Variants in ANKS1B observed in about 807,000 individuals in gnomAD.
The protein encoded by ANKS1B is ankyrin repeat and sterile alpha motif domain-containing protein 1B.
A neutral mutation model predicts 148.3 loss-of-function variants in ANKS1B; 36 were observed. That is an observed-to-expected ratio of 0.24 (90% confidence interval 0.19 to 0.32). ANKS1B has a LOEUF of 0.32. ANKS1B is among the 10% of genes least tolerant of loss of function. ANKS1B has a pLI of 1.00. For missense variants in ANKS1B, 1,157 were observed against 1,542.6 expected, an observed-to-expected ratio of 0.75 and a Z score of 4.19; for synonymous variants, 542 against 560.8, an observed-to-expected ratio of 0.97 and a Z score of 0.47.
intron 16 of ANKS1B, among the ~76,000 whole-genome samples, chr12:99,078,528 G>A (rs1286808641): frequency 6.6e-6 from 1 of 152,128 alleles, no homozygotes; most frequent in Non-Finnish European, 1.5e-5. Flanking sequence ...CCAGAGACAT[G>A]TGCCTCTTTT....
chr12:99,430,326 C>A (rs946896096), intron 11 of ANKS1B, among the ~76,000 whole-genome samples: 1 of 151,854 alleles, frequency 6.6e-6, no homozygotes, highest in Non-Finnish European at 1.5e-5. Context: ...AAGTGACATG[C>A]TTTGGTGGCT....
intron 25 of ANKS1B, among the ~76,000 whole-genome samples, chr12:98,768,761 A>T (rs1016395080): frequency 6.7e-6 from 1 of 149,440 alleles, no homozygotes; most frequent in Non-Finnish European, 1.5e-5. Context: ...AATGGCTACC[A>T]TGGCCAAATA....
At chr12:98,894,692 G>T in intron 17 of ANKS1B, 2 of 985,712 alleles carry the variant, frequency 2.0e-6, no homozygotes, top group Non-Finnish European at 2.4e-6. Flanking sequence ...TGGCCCCCGA[G>T]GACGCAGACA....
intron 9 of ANKS1B, among the ~76,000 whole-genome samples, chr12:99,520,745 G>A (rs961156630): frequency 1.1e-4 from 16 of 151,894 alleles, no homozygotes; most frequent in Non-Finnish European, 2.1e-4. Context: ...GCGCTTTATT[G>A]TTTTTTGTTG....
chr12:99,118,377 A>T (rs913048012), intron 15 of ANKS1B, among the ~76,000 whole-genome samples: 1 of 152,216 alleles, frequency 6.6e-6, no homozygotes, highest in African/African-American at 2.4e-5. Flanking sequence ...GTACATTGGC[A>T]TATCTCACAA....
At chr12:99,150,279 A>G (rs1252863697) in intron 15 of ANKS1B, among the ~76,000 whole-genome samples, 2 of 152,196 alleles carry the variant, frequency 1.3e-5, no homozygotes, top group African/African-American at 4.8e-5. Context: ...GAATACACAG[A>G]ACTTGGACTT....
intron 12 of ANKS1B, among the ~76,000 whole-genome samples, chr12:99,302,115 G>C (rs2081719783): frequency 6.6e-6 from 1 of 152,066 alleles, no homozygotes; most frequent in Non-Finnish European, 1.5e-5. Flanking sequence ...TTCACAGATG[G>C]AGATATTCTC....
At chr12:99,801,870 G>A (rs2066996487) in intron 4 of ANKS1B, among the ~76,000 whole-genome samples, 1 of 152,148 alleles carries the variant, frequency 6.6e-6, no homozygotes, top group Non-Finnish European at 1.5e-5. Context: ...GCACCAGGAA[G>A]GAAAGTAGAC....
In ANKS1B at chr12:98,890,533, T is replaced by C. The variant is rs1351833352; in HGVS notation, c.2779-58397A>G. ...TTTTTACAGTTACATTTTATATTTC[T>C]AGAAAAATAACTACAACATGGTCTT... On this transcript the variant is annotated intron_variant, in intron 17 of 26. Transcript: ENST00000683438. 2.6e-5 allele frequency among the ~76,000 whole-genome samples: 4 copies of C among 152,200 alleles called. No individual in the cohort carries two copies. The South Asian group carries it at 6.2e-4, about 24-fold the overall frequency.
chr12:98,776,354 TC>T (rs2098674617), intron 24 of ANKS1B, among the ~76,000 whole-genome samples: 1 of 152,254 alleles, frequency 6.6e-6, no homozygotes. Flanking sequence ...AAAACTGGAC[TC>T]CTCACATGTT....
At chr12:98,958,665 AT>A (rs2099866305) in intron 17 of ANKS1B, among the ~76,000 whole-genome samples, 2 of 152,226 alleles carry the variant, frequency 1.3e-5, no homozygotes, top group African/African-American at 4.8e-5. Flanking sequence ...TTCATCAGTG[AT>A]TGTCAGAGTT....
intron 1 of ANKS1B, among the ~76,000 whole-genome samples, chr12:99,946,809 T>C (rs1244315329): frequency 1.3e-5 from 2 of 152,138 alleles, no homozygotes; most frequent in Non-Finnish European, 2.9e-5. Flanking sequence ...GAACATGGCA[T>C]GGCTAGACCA....
chr12:99,007,472 C>G (rs1433850905), intron 17 of ANKS1B, among the ~76,000 whole-genome samples: 1 of 152,194 alleles, frequency 6.6e-6, no homozygotes, highest in Non-Finnish European at 1.5e-5. Context: ...ATTTTTATCT[C>G]TAGTCACTGC....
At chr12:99,188,758 C>G (rs2080234427) in intron 14 of ANKS1B, among the ~76,000 whole-genome samples, 1 of 152,044 alleles carries the variant, frequency 6.6e-6, no homozygotes, top group Admixed American at 6.6e-5. Context: ...GATCTAAAAT[C>G]AATACCCTAA....
chr12:99,346,045 A>AT (rs920379824), intron 12 of ANKS1B, among the ~76,000 whole-genome samples: 7 of 151,734 alleles, frequency 4.6e-5, no homozygotes, highest in East Asian at 3.9e-4. Flanking sequence ...TTTGGAGAAC[A>AT]TTTTTTTTCC....
At chr12:99,799,414 T>G (rs939355946) in intron 4 of ANKS1B, among the ~76,000 whole-genome samples, 2 of 152,108 alleles carry the variant, frequency 1.3e-5, no homozygotes, top group African/African-American at 4.8e-5. Context: ...CCCTTCCGTC[T>G]CAATCACAGC....
Position 99,078,811 on chromosome 12 carries a change from T to C in ANKS1B, c.2625+6114A>G, listed in dbSNP as rs553837719. 2.5e-4 allele frequency among the ~76,000 whole-genome samples: 36 copies of C among 144,364 alleles called. No individual in the cohort carries two copies. In the South Asian group the frequency reaches 5.0e-3, roughly 20 times the overall value. The allele number at this position is 144,364 out of a possible 152,430, so 94.7% of individuals were successfully genotyped here. On this transcript the variant is annotated intron_variant, in intron 16 of 26. Coordinates refer to ENST00000683438, the MANE Select transcript of ANKS1B (RefSeq NM_001352186.2). The stretch of plus-strand genomic sequence containing the variant: ...TCACGCCCTTGTGTAAACACCTCTA[T>C]TATGTATGAACTGAATCTGGTGACT...
chr12:99,190,617 T>C (rs2080533570), intron 14 of ANKS1B, among the ~76,000 whole-genome samples: 1 of 152,182 alleles, frequency 6.6e-6, no homozygotes, highest in East Asian at 1.9e-4. Flanking sequence ...TAATAAATAC[T>C]GCTGGGAAAA....
At chr12:99,001,438 G>C (rs2099932986) in intron 17 of ANKS1B, among the ~76,000 whole-genome samples, 1 of 152,094 alleles carries the variant, frequency 6.6e-6, no homozygotes, top group Non-Finnish European at 1.5e-5. Flanking sequence ...CCCAGTTTCA[G>C]TTATTTTAGA....
Sources: allele counts gnomAD v4.1 joint callset (sites outside exome capture counted in the v4.1 genomes callset), GRCh38; gene constraint gnomAD v4.1.1; transcripts MANE v1.5; gene names NCBI Gene and HGNC (gene_info 2026-07-23, HGNC 2026-07-21).